Variants in ARPP21 observed in about 807,000 individuals in gnomAD.
The protein encoded by ARPP21 is cAMP regulated phosphoprotein 21.
Under a neutral mutation model 113.2 loss-of-function variants are expected in ARPP21, and 69 were observed. The ratio of observed to expected loss-of-function variants is 0.61; its 90% CI spans 0.50 to 0.74. The LOEUF is 0.74. Among genes scored for constraint, ARPP21 ranks in the 30% least tolerant of loss-of-function variants. The pLI, the probability that ARPP21 is intolerant of heterozygous loss-of-function variation, is 0.00. For synonymous variants in ARPP21, 368 were observed against 375.5 expected, an observed-to-expected ratio of 0.98 and a Z score of 0.23; for missense variants, 1,070 against 1,037.4, an observed-to-expected ratio of 1.03 and a Z score of -0.43.
chr3:35,777,151 T>C (rs1418239452), intron 19 of ARPP21, among the ~76,000 whole-genome samples: 1 of 152,194 alleles, frequency 6.6e-6, no homozygotes, highest in Non-Finnish European at 1.5e-5. Flanking sequence ...CAGATCCATC[T>C]TGATACTACC....
chr3:35,743,332 G>C (rs187540139), intron 18 of ARPP21, among the ~76,000 whole-genome samples: 1 of 152,274 alleles, frequency 6.6e-6, no homozygotes, highest in East Asian at 1.9e-4. Flanking sequence ...AACAACCATT[G>C]TATGATCACG....
chr3:35,660,855 T>C (rs1161099469), intron 1 of ARPP21, among the ~76,000 whole-genome samples: 5 of 152,210 alleles, frequency 3.3e-5, no homozygotes, highest in Non-Finnish European at 5.9e-5. Flanking sequence ...TTTAACCCTT[T>C]ATCTTGAAAA....
intron 11 of ARPP21, among the ~76,000 whole-genome samples, chr3:35,714,204 G>A (rs988044185): frequency 6.6e-6 from 1 of 152,180 alleles, no homozygotes; most frequent in African/African-American, 2.4e-5. Flanking sequence ...CAGGATGCAT[G>A]TTAAGTGCAG....
chr3:35,760,304 G>T (rs184288138), intron 19 of ARPP21, among the ~76,000 whole-genome samples: 12 of 152,146 alleles, frequency 7.9e-5, no homozygotes, highest in African/African-American at 2.9e-4. Flanking sequence ...TGGCCCTCAG[G>T]GTTGGTGGCA....
intron 19 of ARPP21, among the ~76,000 whole-genome samples, chr3:35,773,728 C>T (rs2096272848): frequency 6.6e-6 from 1 of 152,104 alleles, no homozygotes; most frequent in African/African-American, 2.4e-5. Flanking sequence ...TTTCCAAGGG[C>T]CCTCACCTGC....
intron 19 of ARPP21, among the ~76,000 whole-genome samples, chr3:35,782,648 G>T (rs60423185): frequency 9.2e-5 from 14 of 151,460 alleles, no homozygotes; most frequent in Non-Finnish European, 2.9e-5. Flanking sequence ...CTTCTTGGTT[G>T]TATGCAACCG....
At chr3:35,665,966 C>T (rs935440031) in intron 1 of ARPP21, among the ~76,000 whole-genome samples, 1 of 152,084 alleles carries the variant, frequency 6.6e-6, no homozygotes, top group Non-Finnish European at 1.5e-5. Context: ...CAGATCATTG[C>T]TCACTGTATG....
At chr3:35,774,942 A>T (rs560679257) in intron 19 of ARPP21, 23 of 152,188 alleles carry the variant, frequency 1.5e-4, no homozygotes, top group Non-Finnish European at 2.5e-4. Flanking sequence ...CCCATTTCAA[A>T]GATGAGTGAG....
At chr3:35,765,766 A>G (rs2095949026) in intron 19 of ARPP21, among the ~76,000 whole-genome samples, 1 of 152,178 alleles carries the variant, frequency 6.6e-6, no homozygotes, top group South Asian at 2.1e-4. Context: ...TAAATAATTT[A>G]TTCTACATAA....
chr3:35,751,289 T>C (rs990153480), intron 19 of ARPP21, among the ~76,000 whole-genome samples: 2 of 152,172 alleles, frequency 1.3e-5, no homozygotes, highest in Non-Finnish European at 2.9e-5. Flanking sequence ...TGCTGAATGA[T>C]TCATTTTGGG....
chr3:35,669,142 C>T (rs2075694778), intron 1 of ARPP21, among the ~76,000 whole-genome samples: 1 of 151,858 alleles, frequency 6.6e-6, no homozygotes, highest in Non-Finnish European at 1.5e-5. Context: ...TCCTTCTTTC[C>T]TTCCTTCCCT....
At chr3:35,672,916 C>G (rs1051675965) in intron 1 of ARPP21, among the ~76,000 whole-genome samples, 2 of 151,948 alleles carry the variant, frequency 1.3e-5, no homozygotes, top group African/African-American at 4.8e-5. Context: ...GTAGAAAATT[C>G]AGTCAAAAAT....
At chr3:35,651,189 T>C (rs560379449) in intron 1 of ARPP21, among the ~76,000 whole-genome samples, 1 of 152,220 alleles carries the variant, frequency 6.6e-6, no homozygotes, top group East Asian at 1.9e-4. Context: ...AATCTTTTTT[T>C]AAAGAAAAAG....
At chr3:35,671,269 T>A (rs1244473357) in intron 1 of ARPP21, among the ~76,000 whole-genome samples, 2 of 152,174 alleles carry the variant, frequency 1.3e-5, no homozygotes, top group East Asian at 3.9e-4. Context: ...GTTTTCCATT[T>A]AAACACACTG....
chr3:35,713,050 G>A (rs918183149), intron 11 of ARPP21, among the ~76,000 whole-genome samples: 3 of 152,176 alleles, frequency 2.0e-5, no homozygotes, highest in Admixed American at 6.5e-5. Flanking sequence ...ATAAGGGCAT[G>A]TGGTGCCACC....
chr3:35,758,317 A>T (rs1002901260), intron 19 of ARPP21, among the ~76,000 whole-genome samples: 55 of 152,058 alleles, frequency 3.6e-4, no homozygotes, highest in African/African-American at 1.3e-3. Flanking sequence ...CAAATCTCTC[A>T]TGTATCTTCT....
At chr3:35,788,892 A>G (rs2096686366) in intron 19 of ARPP21, among the ~76,000 whole-genome samples, 1 of 152,236 alleles carries the variant, frequency 6.6e-6, no homozygotes, top group Non-Finnish European at 1.5e-5. Flanking sequence ...TAAATCTTAT[A>G]AACTCCTCGA....
intron 9 of ARPP21, among the ~76,000 whole-genome samples, chr3:35,693,972 T>TTA (rs2083021763): frequency 6.6e-6 from 1 of 151,630 alleles, no homozygotes; most frequent in African/African-American, 2.4e-5. Flanking sequence ...GTATTTTTGT[T>TTA]TACTAAGAGG....
intron 1 of ARPP21, chr3:35,643,916 A>G (rs904096310): frequency 4.6e-5 from 7 of 152,162 alleles, no homozygotes; most frequent in African/African-American, 1.7e-4. Context: ...GACTTCCTTA[A>G]AAATATATTA....
Sources: allele counts gnomAD v4.1 joint callset (sites outside exome capture counted in the v4.1 genomes callset), GRCh38; gene constraint gnomAD v4.1.1; transcripts MANE v1.5; gene names NCBI Gene and HGNC (gene_info 2026-07-23, HGNC 2026-07-21).